Variants in SLC17A1 observed in about 807,000 individuals in gnomAD.
The protein encoded by SLC17A1 is solute carrier family 17 member 1.
In SLC17A1, 51 loss-of-function variants were observed where a neutral mutation model predicts 53.5. The observed-to-expected ratio is 0.95, with a 90% confidence interval of 0.76 to 1.20. The LOEUF is 1.20. Ranked by LOEUF, SLC17A1 falls within the 50% of genes most tolerant of loss-of-function variation. The pLI, the probability that SLC17A1 is intolerant of heterozygous loss-of-function variation, is 0.00. For synonymous variants in SLC17A1, 179 were observed against 198.8 expected, an observed-to-expected ratio of 0.90 and a Z score of 0.84; for missense variants, 538 against 568.2, an observed-to-expected ratio of 0.95 and a Z score of 0.54.
chr6:25,732,590 G>A, the SLC17A1 span: 9 of 895,864 alleles, frequency 1.0e-5, no homozygotes, highest in Non-Finnish European at 1.4e-5. Context: ...CGTACCTGCC[G>A]GCGGTTCTGG....
At chr6:25,767,822 A>G in the SLC17A1 span, among the ~76,000 whole-genome samples, 1 of 152,232 alleles carries the variant, frequency 6.6e-6, no homozygotes, top group Non-Finnish European at 1.5e-5. Flanking sequence ...AACATAATCA[A>G]CTATATTTTT....
downstream of SLC17A1, chr6:25,779,578 A>G (rs1453069474): frequency 5.9e-6 from 1 of 170,584 alleles, no homozygotes; most frequent in East Asian, 1.7e-4. Context: ...AGAAAGCCCC[A>G]AACAACAGAA....
chr6:25,799,059 GTCA>G (rs1457328668), intron 11 of SLC17A1, 140 bp from the exon 12 acceptor site: 24 of 643,168 alleles, frequency 3.7e-5, no homozygotes, highest in East Asian at 3.2e-4. Context: ...AGCCGAAAAC[GTCA>G]TCATTTTACT....
At chr6:25,756,091 AC>A in the SLC17A1 span, among the ~76,000 whole-genome samples, 4 of 152,030 alleles carry the variant, frequency 2.6e-5, no homozygotes, top group Non-Finnish European at 5.9e-5. Flanking sequence ...CTTGTCCTTT[AC>A]AGCCCATGTG....
intron 3 of SLC17A1, among the ~76,000 whole-genome samples, chr6:25,825,639 T>C (rs537261018): frequency 2.5e-4 from 38 of 152,106 alleles, no homozygotes; most frequent in African/African-American, 9.1e-4. Flanking sequence ...TTGTTTTTGC[T>C]ATTTATCTTG....
chr6:25,826,461 C>T lies in SLC17A1; in HGVS notation c.207G>A (p.Lys69=). 6.3e-7 allele frequency: 1 copy of T among 1,596,080 alleles called. No individual in the cohort carries two copies. The highest frequency in any genetic ancestry group is 8.5e-7 in the Non-Finnish European group (1 of 1,172,806). Reference sequence around the variant, plus strand: ...ACTGTGGGGAAAATTATTGATGTACCTTTATATTATCCAGGAGCTTCTTTG... The same window carrying T: ...ACTGTGGGGAAAATTATTGATGTACTTTTATATTATCCAGGAGCTTCTTTG... The part of the protein sequence containing the change: ...TSTKKLLDNI[K]NPMYNWSPDI... Residue 69 remains lysine, a splice_region_variant and synonymous_variant, in exon 3 of 13, where the codon AAG becomes AAA. Transcript: ENST00000244527.
At chr6:25,825,374 T>G (rs1335949823) in intron 3 of SLC17A1, among the ~76,000 whole-genome samples, 1 of 151,630 alleles carries the variant, frequency 6.6e-6, no homozygotes, top group African/African-American at 2.4e-5. Flanking sequence ...CAGCTTGAAA[T>G]TTTACAGTCT....
the SLC17A1 span, chr6:25,777,070 T>C: frequency 8.5e-7 from 1 of 1,174,884 alleles, no homozygotes; most frequent in Non-Finnish European, 1.2e-6. Flanking sequence ...TTGCAGGAAA[T>C]GTCAGCACCA....
the SLC17A1 span, among the ~76,000 whole-genome samples, chr6:25,751,897 A>G: frequency 3.3e-5 from 5 of 152,220 alleles, no homozygotes; most frequent in African/African-American, 1.2e-4. Context: ...CTTTTTATGC[A>G]TCAATGGCCA....
At chr6:25,745,321 A>C in the SLC17A1 span, among the ~76,000 whole-genome samples, 1 of 152,188 alleles carries the variant, frequency 6.6e-6, no homozygotes, top group Non-Finnish European at 1.5e-5. Flanking sequence ...GATTTTATTA[A>C]CATATATATG....
the SLC17A1 span, among the ~76,000 whole-genome samples, chr6:25,733,828 G>C: frequency 6.6e-6 from 1 of 151,384 alleles, no homozygotes; most frequent in East Asian, 2.0e-4. Flanking sequence ...GTGTGTGTGT[G>C]TGTGTGTGTA....
chr6:25,727,575 A>G, the SLC17A1 span, among the ~76,000 whole-genome samples: 2 of 140,324 alleles, frequency 1.4e-5, no homozygotes, highest in Admixed American at 7.0e-5. Flanking sequence ...TATTTTTAGT[A>G]GAGACGGGGT....
chr6:25,771,563 G>A, the SLC17A1 span, among the ~76,000 whole-genome samples: 1 of 140,842 alleles, frequency 7.1e-6, no homozygotes, highest in Non-Finnish European at 1.5e-5. Context: ...GACAGAGTGA[G>A]ACCCTGTCTC....
At chr6:25,829,407 C>T (rs961103726) in intron 2 of SLC17A1, among the ~76,000 whole-genome samples, 2 of 152,132 alleles carry the variant, frequency 1.3e-5, no homozygotes, top group Non-Finnish European at 2.9e-5. Context: ...ATTTAATCAT[C>T]AGCCAGCCCT....
chr6:25,743,188 G>A, the SLC17A1 span, among the ~76,000 whole-genome samples: 1 of 151,808 alleles, frequency 6.6e-6, no homozygotes, highest in African/African-American at 2.4e-5. Context: ...ACTTTTTTTT[G>A]TAAAAAGGAG....
At chr6:25,727,366 G>C in the SLC17A1 span, 2 of 1,358,038 alleles carry the variant, frequency 1.5e-6, no homozygotes, top group African/African-American at 2.9e-5. Context: ...AACAGCTGTG[G>C]GCTTCGTTTT....
chr6:25,811,124 A>ATT (rs1352954918), intron 10 of SLC17A1, among the ~76,000 whole-genome samples: 1 of 152,164 alleles, frequency 6.6e-6, no homozygotes, highest in Non-Finnish European at 1.5e-5. Flanking sequence ...ACCAAATTTT[A>ATT]TTTATATATG....
chr6:25,743,567 A>T, the SLC17A1 span, among the ~76,000 whole-genome samples: 5 of 152,238 alleles, frequency 3.3e-5, 1 homozygote, highest in South Asian at 1.0e-3. Context: ...AATCTCAATT[A>T]CTAGAGTAGA....
chr6:25,783,423 T>C (rs1441565603), intron 12 of SLC17A1, among the ~76,000 whole-genome samples: 2 of 152,184 alleles, frequency 1.3e-5, no homozygotes, highest in African/African-American at 4.8e-5. Context: ...AAAATAAATA[T>C]GGCTGTCTGT....
Sources: allele counts gnomAD v4.1 joint callset (sites outside exome capture counted in the v4.1 genomes callset), GRCh38; gene constraint gnomAD v4.1.1; transcripts MANE v1.5; gene names NCBI Gene and HGNC (gene_info 2026-07-23, HGNC 2026-07-21).